Variants in RIMS1 observed in about 807,000 individuals in gnomAD.
RIMS1 encodes the protein regulating synaptic membrane exocytosis protein 1.
Under a neutral mutation model 214.1 loss-of-function variants are expected in RIMS1, and 83 were observed. The observed-to-expected ratio is 0.39, with a 90% CI of 0.32 to 0.47. The LOEUF is 0.47. RIMS1 is among the 20% of genes least tolerant of loss of function. The pLI is 0.99. For missense variants in RIMS1, 2,050 were observed against 2,161.8 expected, an observed-to-expected ratio of 0.95 and a Z score of 1.03; for synonymous variants, 793 against 786.8, an observed-to-expected ratio of 1.01 and a Z score of -0.13.
Position 72,160,334 on chromosome 6 carries a change from G to A in RIMS1, c.472-19241G>A, listed in dbSNP as rs553263502. Among the ~76,000 whole-genome samples, 12 of 139,832 alleles carry A rather than the reference G, an allele frequency of 8.6e-5. 1 individual carries two copies. The highest frequency in any genetic ancestry group is 3.0e-4 in the African/African-American group (12 of 40,566). 91.7% of individuals were successfully genotyped at this position (139,832 alleles called of 152,430 possible). ...TACAATCATGTCATCTGCCAACAGG[G>A]ACAATTTGACTTCCTCGTTTCCTAA... On this transcript the variant is annotated intron_variant, in intron 4 of 33. Transcript: ENST00000521978.
intron 16 of RIMS1, among the ~76,000 whole-genome samples, chr6:72,257,316 T>C (rs2076290323): frequency 1.3e-5 from 2 of 152,078 alleles, no homozygotes; most frequent in South Asian, 4.1e-4. Context: ...GATTACTGTC[T>C]TATCTTAACT....
chr6:72,110,064 T>C (rs1189117664), intron 4 of RIMS1, among the ~76,000 whole-genome samples: 1 of 152,196 alleles, frequency 6.6e-6, no homozygotes, highest in Admixed American at 6.5e-5. Context: ...TATCTATATC[T>C]CTGTTTTGGT....
intron 4 of RIMS1, among the ~76,000 whole-genome samples, chr6:72,103,710 T>C (rs1309877801): frequency 6.6e-6 from 1 of 152,166 alleles, no homozygotes; most frequent in African/African-American, 2.4e-5. Context: ...GAAAACTCTA[T>C]GTTTGTCCTT....
intron 24 of RIMS1, among the ~76,000 whole-genome samples, chr6:72,290,118 ATTG>A (rs1192628094): frequency 1.3e-5 from 2 of 152,158 alleles, no homozygotes; most frequent in African/African-American, 4.8e-5. Flanking sequence ...TCCACCTTAT[ATTG>A]TTTTAATTTT....
intron 4 of RIMS1, among the ~76,000 whole-genome samples, chr6:72,162,133 A>G (rs1259805281): frequency 8.5e-5 from 12 of 140,716 alleles, no homozygotes; most frequent in Non-Finnish European, 1.8e-4. Context: ...TCCCTTTACC[A>G]TTATGTAATG....
At chr6:72,055,843 A>G (rs1355007551) in intron 2 of RIMS1, among the ~76,000 whole-genome samples, 5 of 152,220 alleles carry the variant, frequency 3.3e-5, no homozygotes, top group African/African-American at 1.2e-4. Flanking sequence ...CCATTGTGAA[A>G]AGCAGTTTGG....
intron 6 of RIMS1, among the ~76,000 whole-genome samples, chr6:72,209,826 G>A (rs541246935): frequency 9.6e-4 from 146 of 151,476 alleles, no homozygotes; most frequent in Middle Eastern, 3.4e-3. Flanking sequence ...GCATGAACCC[G>A]GGAGGCGGAG....
intron 2 of RIMS1, among the ~76,000 whole-genome samples, chr6:72,093,643 T>C (rs183211605): frequency 0.011 from 1,727 of 152,276 alleles, 11 homozygotes; most frequent in Non-Finnish European, 0.017. Flanking sequence ...ATAACATTTG[T>C]GATTCCTCAT....
intron 4 of RIMS1, among the ~76,000 whole-genome samples, chr6:72,162,526 T>C (rs1181473083): frequency 7.1e-6 from 1 of 140,996 alleles, no homozygotes. Flanking sequence ...TGGCTGGTAC[T>C]GGTTGTTCCT....
At chr6:71,995,068 T>A (rs1352792739) in intron 2 of RIMS1, among the ~76,000 whole-genome samples, 1 of 151,050 alleles carries the variant, frequency 6.6e-6, no homozygotes, top group Non-Finnish European at 1.5e-5. Flanking sequence ...ATAGTGTAGA[T>A]CTAACACTCT....
chr6:72,324,636 A>G (rs994112718), intron 28 of RIMS1, among the ~76,000 whole-genome samples: 4 of 151,972 alleles, frequency 2.6e-5, no homozygotes, highest in African/African-American at 9.7e-5. Flanking sequence ...AGGGGACAAT[A>G]ATACATATTA....
intron 1 of RIMS1, among the ~76,000 whole-genome samples, chr6:71,939,637 G>C (rs1439590921): frequency 6.6e-6 from 1 of 152,190 alleles, no homozygotes; most frequent in Non-Finnish European, 1.5e-5. Flanking sequence ...ACTGTGGAAG[G>C]CAACAAATGG....
chr6:71,988,816 A>T (rs1172409165), intron 2 of RIMS1, among the ~76,000 whole-genome samples: 1 of 152,200 alleles, frequency 6.6e-6, no homozygotes, highest in African/African-American at 2.4e-5. Context: ...TTTATTAGAA[A>T]ACATAGGAAT....
At chr6:72,003,430 CATGAATGAATGA>C (rs554101317) in intron 2 of RIMS1, among the ~76,000 whole-genome samples, 1 of 151,876 alleles carries the variant, frequency 6.6e-6, no homozygotes, top group Non-Finnish European at 1.5e-5. Flanking sequence ...TGGATGAATA[CATGAATGAATGA>C]ATGAATGAAT....
chr6:72,318,166 C>T (rs2095920189), intron 28 of RIMS1, among the ~76,000 whole-genome samples: 2 of 152,152 alleles, frequency 1.3e-5, no homozygotes, highest in African/African-American at 4.8e-5. Flanking sequence ...TCTGACCACA[C>T]AATCTCTATC....
intron 2 of RIMS1, among the ~76,000 whole-genome samples, chr6:72,085,699 A>G (rs1445199603): frequency 6.6e-6 from 1 of 152,114 alleles, no homozygotes; most frequent in Non-Finnish European, 1.5e-5. Context: ...ATTTATCCCA[A>G]ACCTACTGAA....
In RIMS1 at chr6:72,142,294, TC is replaced by T. The variant is rs551925399; in HGVS notation, c.472-37274del. The stretch of plus-strand genomic sequence containing the variant: ...TATGCCTAACTCCAAAGATGGTGAT[TC>T]CCCCCCTACAGTGCCATTTTAAATG... On this transcript the variant is annotated intron_variant, in intron 4 of 33. Coordinates refer to ENST00000521978, the MANE Select transcript of RIMS1 (RefSeq NM_014989.7). 2.1e-3 allele frequency among the ~76,000 whole-genome samples: 319 copies of T among 151,958 alleles called. 3 individuals are homozygous for T. The highest frequency in any genetic ancestry group is 6.8e-3 in the African/African-American group (284 of 41,498).
intron 29 of RIMS1, among the ~76,000 whole-genome samples, chr6:72,339,188 G>A (rs1227828955): frequency 1.3e-5 from 2 of 151,900 alleles, no homozygotes; most frequent in South Asian, 4.1e-4. Context: ...TAAAGCCTGA[G>A]CATAAAAACA....
intron 16 of RIMS1, 144 bp from the exon 17 acceptor site, chr6:72,257,981 T>G: frequency 1.4e-6 from 1 of 704,392 alleles, no homozygotes; most frequent in Non-Finnish European, 2.3e-6. Context: ...TTAATATTTT[T>G]GAAGATAAGG....
Sources: allele counts gnomAD v4.1 joint callset (sites outside exome capture counted in the v4.1 genomes callset), GRCh38; gene constraint gnomAD v4.1.1; transcripts MANE v1.5; gene names NCBI Gene and HGNC (gene_info 2026-07-23, HGNC 2026-07-21).